Variants in ARHGEF3 observed in about 807,000 individuals in gnomAD.
ARHGEF3 encodes 59.8 kDA protein.
ARHGEF3 carries 28 observed loss-of-function variants against 63.2 expected under a neutral mutation model. The ratio of observed to expected loss-of-function variants is 0.44; its 90% CI spans 0.33 to 0.61. The LOEUF (loss-of-function observed/expected upper bound fraction) is 0.61. Among genes scored for constraint, ARHGEF3 ranks in the 20% least tolerant of loss-of-function variants. The pLI is 0.03. For missense variants in ARHGEF3, 533 were observed against 659.3 expected (o/e 0.81, Z 2.10); for synonymous variants, 266 against 254.2 (o/e 1.05, Z -0.44).
At chr3:56,962,577 G>A (rs1273992935) in intron 2 of ARHGEF3, among the ~76,000 whole-genome samples, 1 of 152,156 alleles carries the variant, frequency 6.6e-6, no homozygotes, top group East Asian at 1.9e-4. Flanking sequence ...TTCCATAGAG[G>A]GATTCACAGG....
chr3:56,833,062 A>C (rs1001665279), intron 4 of ARHGEF3, among the ~76,000 whole-genome samples: 10 of 152,184 alleles, frequency 6.6e-5, no homozygotes, highest in Non-Finnish European at 2.9e-5. Context: ...TCCATGTGCA[A>C]ATACCTGTTT....
At chr3:56,922,818 T>C (rs1018448050) in intron 3 of ARHGEF3, among the ~76,000 whole-genome samples, 2 of 151,944 alleles carry the variant, frequency 1.3e-5, no homozygotes, top group African/African-American at 4.8e-5. Flanking sequence ...TCCTTATCTG[T>C]AAAACAGGAA....
chr3:56,807,621 C>T (rs923175425), intron 4 of ARHGEF3, among the ~76,000 whole-genome samples: 3 of 152,180 alleles, frequency 2.0e-5, no homozygotes, highest in Non-Finnish European at 4.4e-5. Flanking sequence ...ATGACCAAGC[C>T]CCCCTCTCCT....
intron 2 of ARHGEF3, among the ~76,000 whole-genome samples, chr3:57,016,656 AC>A (rs146275507): frequency 0.016 from 2,500 of 152,256 alleles, 78 homozygotes; most frequent in African/African-American, 0.057. Flanking sequence ...CAAAATAGCT[AC>A]CGTTAGGATG....
At chr3:57,068,168 T>TACACAAACACACACACACACACACAC (rs1553820868) in intron 1 of ARHGEF3, among the ~76,000 whole-genome samples, 2 of 149,094 alleles carry the variant, frequency 1.3e-5, no homozygotes, top group East Asian at 4.0e-4. Flanking sequence ...CACACACACA[T>TACACAAACACACACACACACACACAC]ACACACACAC....
intron 2 of ARHGEF3, among the ~76,000 whole-genome samples, chr3:56,978,191 CA>C (rs1701196725): frequency 6.6e-6 from 1 of 152,164 alleles, no homozygotes; most frequent in African/African-American, 2.4e-5. Context: ...TGTCACTGGA[CA>C]AAACACCTTT....
At chr3:56,773,603 T>G (rs2036123063) in intron 2 of ARHGEF3, 106 bp downstream of exon 2, 1 of 957,216 alleles carries the variant, frequency 1.0e-6, no homozygotes, top group Admixed American at 3.5e-5. Flanking sequence ...AAATAAGCAT[T>G]GATTCAGGTC....
At position 56,924,368 on chromosome 3, in the gene ARHGEF3, C is replaced by T. The variant is rs549215070; in HGVS notation, c.129+34455G>A. 1.1e-4 allele frequency among the ~76,000 whole-genome samples: 17 copies of T among 152,328 alleles called. 1 individual carries two copies. Among genetic ancestry groups the T allele is most frequent in the South Asian group, 4.2e-4 (2 of 4,818 alleles). On this transcript the variant is annotated intron_variant, in intron 3 of 12. Transcript: ENST00000338458. ...AAGCTGCTGAGGCCCAGCGACACTA[C>T]GTGTTCCTTACTCCATGAGTCTCTG...
chr3:56,735,145 G>C (rs1462630744), intron 8 of ARHGEF3, among the ~76,000 whole-genome samples: 1 of 152,130 alleles, frequency 6.6e-6, no homozygotes, highest in Non-Finnish European at 1.5e-5. Context: ...TTAGCCAAGC[G>C]TGGTGTTGGG....
chr3:56,820,261 A>G (rs1047880730), intron 4 of ARHGEF3, among the ~76,000 whole-genome samples: 4 of 152,232 alleles, frequency 2.6e-5, no homozygotes, highest in Admixed American at 1.3e-4. Context: ...CCAGGGAGGT[A>G]CTGTAAGGAT....
chr3:56,741,246 C>T lies in ARHGEF3; in HGVS notation c.871-3891G>A, dbSNP rs371648567. Among the ~76,000 whole-genome samples the T allele has an allele frequency of 4.3e-5, 6 of 139,110 alleles. No individual in the cohort carries two copies. The East Asian group carries it at 6.3e-4, about 15-fold the overall frequency. The allele number at this position is 139,110 out of a possible 152,430, so 91.3% of individuals were successfully genotyped here. ...TGTTGCCCAGGCTAGAGTGCAATGGCGCAATCTCGGCTCACTGCAACCTCC... is the reference window on the plus strand; with the variant it reads ...TGTTGCCCAGGCTAGAGTGCAATGGTGCAATCTCGGCTCACTGCAACCTCC... On this transcript the variant is annotated intron_variant, in intron 7 of 9. Coordinates refer to ENST00000296315, the MANE Select transcript of ARHGEF3 (RefSeq NM_019555.3).
chr3:56,920,288 C>T (rs2042091966), intron 3 of ARHGEF3, among the ~76,000 whole-genome samples: 1 of 152,198 alleles, frequency 6.6e-6, no homozygotes, highest in Non-Finnish European at 1.5e-5. Context: ...AATAACCAAA[C>T]TGGTAACAAC....
rs925525070 is a variant in ARHGEF3, at chr3:56,888,381, T to C, written c.130-6027A>G. ...TAACACCTCAGATGGAAAGGGAACA[T>C]CCAGCTGAACCAAACCCTAAATGAA... On this transcript the variant is annotated intron_variant, in intron 3 of 12. Coordinates refer to the ARHGEF3 transcript ENST00000338458. Among the ~76,000 whole-genome samples, 14 of 152,118 alleles carry C rather than the reference T, an allele frequency of 9.2e-5. 1 individual carries two copies. The highest frequency in any genetic ancestry group is 6.2e-4 in the South Asian group (3 of 4,818).
intron 2 of ARHGEF3, 40 bp downstream of exon 2, chr3:56,773,669 A>G (rs370414384): frequency 4.8e-5 from 72 of 1,504,288 alleles, no homozygotes; most frequent in Non-Finnish European, 6.1e-5. Context: ...CCCGTACACC[A>G]TGATTTTCTG....
At chr3:57,070,971 C>CAAAAAAAAAAAAAAAAGAAAAA (rs1705861010) in intron 1 of ARHGEF3, among the ~76,000 whole-genome samples, 1 of 49,686 alleles carries the variant, frequency 2.0e-5, no homozygotes, top group Non-Finnish European at 4.5e-5. Flanking sequence ...GACTCTGTCA[C>CAAAAAAAAAAAAAAAAGAAAAA]AAAAAAAAAA....
At chr3:56,980,226 G>A (rs1701274965) in intron 2 of ARHGEF3, among the ~76,000 whole-genome samples, 1 of 152,202 alleles carries the variant, frequency 6.6e-6, no homozygotes, top group Non-Finnish European at 1.5e-5. Flanking sequence ...AGAATTATCT[G>A]GATTTGGCAC....
chr3:56,822,449 G>C (rs149969668), intron 4 of ARHGEF3, among the ~76,000 whole-genome samples: 2 of 152,158 alleles, frequency 1.3e-5, no homozygotes, highest in Admixed American at 1.3e-4. Flanking sequence ...AAGCAAAATG[G>C]GAACATGCTA....
At chr3:56,813,364 G>C (rs2038143173) in intron 4 of ARHGEF3, among the ~76,000 whole-genome samples, 2 of 152,172 alleles carry the variant, frequency 1.3e-5, no homozygotes, top group African/African-American at 4.8e-5. Context: ...ATGCATGTTA[G>C]AGGTTTTCCA....
At chr3:56,786,430 C>T (rs576095909) in intron 1 of ARHGEF3, among the ~76,000 whole-genome samples, 1 of 152,246 alleles carries the variant, frequency 6.6e-6, no homozygotes, top group Non-Finnish European at 1.5e-5. Flanking sequence ...AGATGAATAG[C>T]TTCAAAATGT....
Sources: allele counts gnomAD v4.1 joint callset (sites outside exome capture counted in the v4.1 genomes callset), GRCh38; gene constraint gnomAD v4.1.1; transcripts MANE v1.5; gene names NCBI Gene and HGNC (gene_info 2026-07-23, HGNC 2026-07-21).